ARB2A: variants seen among roughly 807,000 people sequenced by gnomAD.
ARB2A encodes the protein cotranscriptional regulator ARB2A.
chr5:93,864,494 G>A, the ARB2A span, among the ~76,000 whole-genome samples: 1 of 152,108 alleles, frequency 6.6e-6, no homozygotes, highest in African/African-American at 2.4e-5. Context: ...TTTTCAGAAT[G>A]TGTTAAAAAC....
At chr5:93,926,417 G>A in the ARB2A span, among the ~76,000 whole-genome samples, 1 of 152,076 alleles carries the variant, frequency 6.6e-6, no homozygotes, top group African/African-American at 2.4e-5. Flanking sequence ...ATAGGCATGA[G>A]CCACCGTGCC....
chr5:93,829,456 C>T, the ARB2A span, among the ~76,000 whole-genome samples: 1 of 152,242 alleles, frequency 6.6e-6, no homozygotes, highest in East Asian at 1.9e-4. Flanking sequence ...CCCTATTTTT[C>T]CCAAGGATTA....
At chr5:93,754,312 C>T in the ARB2A span, among the ~76,000 whole-genome samples, 2 of 152,176 alleles carry the variant, frequency 1.3e-5, no homozygotes, top group Non-Finnish European at 2.9e-5. Context: ...TACTGTTAGT[C>T]TCCCTTACTA....
the ARB2A span, among the ~76,000 whole-genome samples, chr5:93,744,072 T>C: frequency 6.6e-6 from 1 of 152,178 alleles, no homozygotes; most frequent in South Asian, 2.1e-4. Flanking sequence ...TGAGTTCAAA[T>C]AGATGTGAGC....
chr5:93,678,958 TTC>T, the ARB2A span, among the ~76,000 whole-genome samples: 1 of 152,206 alleles, frequency 6.6e-6, no homozygotes, highest in Non-Finnish European at 1.5e-5. Flanking sequence ...GGCAATGTTT[TTC>T]TTAGACATAA....
At chr5:93,753,946 C>A in the ARB2A span, among the ~76,000 whole-genome samples, 18 of 152,118 alleles carry the variant, frequency 1.2e-4, no homozygotes, top group Non-Finnish European at 2.5e-4. Flanking sequence ...TGGCCAAAGG[C>A]ATGTCAAGAT....
chr5:93,852,897 C>A, the ARB2A span, among the ~76,000 whole-genome samples: 1 of 152,062 alleles, frequency 6.6e-6, no homozygotes, highest in African/African-American at 2.4e-5. Flanking sequence ...GTGATGCCTC[C>A]CTCTTTGTTC....
At chr5:93,692,558 G>C in the ARB2A span, among the ~76,000 whole-genome samples, 23 of 152,276 alleles carry the variant, frequency 1.5e-4, no homozygotes, top group African/African-American at 4.8e-4. Context: ...CAAGTTCTTA[G>C]AGCCCTACAA....
At chr5:94,006,089 T>C in the ARB2A span, among the ~76,000 whole-genome samples, 1 of 152,222 alleles carries the variant, frequency 6.6e-6, no homozygotes, top group South Asian at 2.1e-4. Flanking sequence ...CATAAACATT[T>C]ATAACAGCTT....
chr5:93,959,052 C>A, the ARB2A span: 1 of 871,770 alleles, frequency 1.1e-6, no homozygotes, highest in Non-Finnish European at 1.6e-6. Flanking sequence ...ATGGCTGTTA[C>A]AAAGTATTAA....
At chr5:93,805,017 T>C in the ARB2A span, 1 of 973,590 alleles carries the variant, frequency 1.0e-6, no homozygotes, top group African/African-American at 1.8e-5. Context: ...CAGAAAAAAA[T>C]ACATCTTTAG....
the ARB2A span, among the ~76,000 whole-genome samples, chr5:93,896,956 A>T: frequency 2.0e-5 from 3 of 152,060 alleles, no homozygotes; most frequent in African/African-American, 7.2e-5. Context: ...AATTCCAAGA[A>T]GTGATTAGAG....
chr5:93,994,690 T>TA, the ARB2A span, among the ~76,000 whole-genome samples: 8 of 150,406 alleles, frequency 5.3e-5, no homozygotes, highest in Non-Finnish European at 8.9e-5. Flanking sequence ...CTAAGACATA[T>TA]AAAAAAAAAT....
At chr5:93,889,412 T>C in the ARB2A span, among the ~76,000 whole-genome samples, 1 of 151,896 alleles carries the variant, frequency 6.6e-6, no homozygotes, top group Admixed American at 6.6e-5. Flanking sequence ...GCTATGAATT[T>C]CTCTTCCCAC....
At chr5:94,103,825 C>CTTAACCATTTTT in the ARB2A span, among the ~76,000 whole-genome samples, 2 of 148,784 alleles carry the variant, frequency 1.3e-5, no homozygotes, top group Non-Finnish European at 3.0e-5. Flanking sequence ...TGAAATTATA[C>CTTAACCATTTTT]CACATTCTTA....
At chr5:93,851,896 T>C in the ARB2A span, among the ~76,000 whole-genome samples, 1 of 152,206 alleles carries the variant, frequency 6.6e-6, no homozygotes, top group African/African-American at 2.4e-5. Flanking sequence ...CTATTGTGAA[T>C]AGTGCCGCAA....
At chr5:93,757,828 C>CA in the ARB2A span, among the ~76,000 whole-genome samples, 2 of 151,738 alleles carry the variant, frequency 1.3e-5, no homozygotes, top group African/African-American at 2.4e-5. Flanking sequence ...AAAGCAAAAT[C>CA]AAAAAACAAA....
At chr5:94,036,620 C>T in the ARB2A span, among the ~76,000 whole-genome samples, 2 of 152,190 alleles carry the variant, frequency 1.3e-5, no homozygotes, top group Non-Finnish European at 2.9e-5. Context: ...CTGGTTCATG[C>T]ATCATACCCA....
the ARB2A span, among the ~76,000 whole-genome samples, chr5:94,109,876 CTCT>C: frequency 1.5e-5 from 2 of 135,108 alleles, no homozygotes; most frequent in South Asian, 4.6e-4. Context: ...TTCTCTATAC[CTCT>C]TTTTTTTTTT....
Sources: allele counts gnomAD v4.1 joint callset (sites outside exome capture counted in the v4.1 genomes callset), GRCh38; gene constraint gnomAD v4.1.1; transcripts MANE v1.5; gene names NCBI Gene and HGNC (gene_info 2026-07-23, HGNC 2026-07-21).